Variants in COL27A1 observed in about 807,000 individuals in gnomAD.
COL27A1 encodes the protein collagen type XXVII alpha 1 chain.
In COL27A1, 106 loss-of-function variants were observed where a neutral mutation model predicts 251.3. The ratio of observed to expected loss-of-function variants is 0.42; its 90% CI spans 0.36 to 0.50. The LOEUF is 0.50. Among genes scored for constraint, COL27A1 ranks in the 20% least tolerant of loss-of-function variants. COL27A1 has a pLI of 0.00. For missense variants in COL27A1, 2,325 were observed against 2,522.8 expected, an observed-to-expected ratio of 0.92 and a Z score of 1.68; for synonymous variants, 1,000 against 986.3, an observed-to-expected ratio of 1.01 and a Z score of -0.26.
intron 5 of COL27A1, among the ~76,000 whole-genome samples, chr9:114,185,586 GGTCCTAGA>G (rs1337054602): frequency 1.3e-5 from 2 of 152,234 alleles, no homozygotes; most frequent in African/African-American, 4.8e-5. Context: ...CTGGGAAGAG[GGTCCTAGA>G]GTCCTTACTG....
At chr9:114,185,137 C>T (rs553877250) in intron 5 of COL27A1, among the ~76,000 whole-genome samples, 4 of 152,296 alleles carry the variant, frequency 2.6e-5, no homozygotes, top group South Asian at 4.1e-4. Flanking sequence ...TGTTTCTCCT[C>T]GCATTTTGAA....
At chr9:114,261,763 A>G (rs954246691) in intron 28 of COL27A1, among the ~76,000 whole-genome samples, 4 of 151,746 alleles carry the variant, frequency 2.6e-5, no homozygotes, top group African/African-American at 9.7e-5. Flanking sequence ...TAGTGGTGAA[A>G]AAAATGGATG....
In COL27A1 at chr9:114,222,213, C is replaced by G; in HGVS notation, c.2422-10C>G. 1 of 1,613,544 alleles carries G rather than the reference C, an allele frequency of 6.2e-7. No homozygotes were observed. The highest frequency in any genetic ancestry group is 8.5e-7 in the Non-Finnish European group (1 of 1,179,508). On this transcript the variant is annotated splice_polypyrimidine_tract_variant and intron_variant, in intron 13 of 60. Coordinates refer to ENST00000356083, the MANE Select transcript of COL27A1 (RefSeq NM_032888.4). ...GACAAGTAACCACCTTGGTCTCTCT[C>G]TATCTGCAGGGAGAACTGGGCCTGC...
Position 114,206,676 on chromosome 9 carries a change from C to T in COL27A1, c.2268+380C>T, listed in dbSNP as rs572571195. ...CCTCCCTCCTGCTCCCAAATGAGGGCTGGGGGGAACCACTCTTTGTGGAGG... is the reference window on the plus strand; with the variant it reads ...CCTCCCTCCTGCTCCCAAATGAGGGTTGGGGGGAACCACTCTTTGTGGAGG... On this transcript the variant is annotated intron_variant, in intron 10 of 60. Coordinates refer to ENST00000356083, the MANE Select transcript of COL27A1 (RefSeq NM_032888.4). 2.0e-4 allele frequency among the ~76,000 whole-genome samples: 31 copies of T among 152,300 alleles called. 1 individual carries two copies. In the South Asian group the frequency reaches 6.4e-3, roughly 32 times the overall value.
intron 3 of COL27A1, among the ~76,000 whole-genome samples, chr9:114,176,471 T>G (rs1343372190): frequency 6.7e-6 from 1 of 150,108 alleles, no homozygotes; most frequent in African/African-American, 2.4e-5. Context: ...AACCTCATTT[T>G]ACAGTAATAG....
chr9:114,229,970 C>G (rs955844116), intron 14 of COL27A1, among the ~76,000 whole-genome samples: 3 of 152,212 alleles, frequency 2.0e-5, no homozygotes, highest in Admixed American at 6.5e-5. Flanking sequence ...AATAGCACCT[C>G]TTAAGTTGTG....
At chr9:114,225,886 A>T (rs7028696) in intron 14 of COL27A1, among the ~76,000 whole-genome samples, 9 of 152,030 alleles carry the variant, frequency 5.9e-5, no homozygotes, top group African/African-American at 2.2e-4. Context: ...TGTGTGCAAC[A>T]CATGCACTGG....
chr9:114,279,295 C>A (rs1835761014), intron 37 of COL27A1, among the ~76,000 whole-genome samples: 1 of 152,198 alleles, frequency 6.6e-6, no homozygotes, highest in Non-Finnish European at 1.5e-5. Context: ...CCTTTAGCTC[C>A]AAAACGGGAT....
In COL27A1 at chr9:114,209,712, G is replaced by A. The variant is rs1830217540; in HGVS notation, c.2306G>A (p.Gly769Glu). Residue 769 changes from glycine to glutamate, a missense_variant, in exon 11 of 61, where the codon GGG becomes GAG. This residue lies in a region of COL27A1 where 1,183 missense variants were observed against 1,144.1 expected (regional missense o/e 1.03). Coordinates refer to ENST00000356083, the MANE Select transcript of COL27A1 (RefSeq NM_032888.4). The stretch of plus-strand genomic sequence containing the variant: ...CTCCCAGGGCTCTTCGGCCTGCCAG[G>A]GTCTGATGGAGAACGAGTAAGTTTG... ...IGLPGLFGLPGSDGERGLPGV... is the reference protein window; with the variant it reads ...IGLPGLFGLPESDGERGLPGV... 6.2e-7 allele frequency: 1 copy of A among 1,614,044 alleles called. No homozygotes were observed. Among genetic ancestry groups the A allele is most frequent in the African/African-American group, 1.3e-5 (1 of 74,932 alleles).
chr9:114,288,378 G>A (rs566108074), intron 41 of COL27A1, 77 bp from the exon 42 acceptor site: 6 of 1,465,582 alleles, frequency 4.1e-6, no homozygotes, highest in East Asian at 2.3e-5. Context: ...CATCTCTGAC[G>A]AAGCGCTTTC....
intron 33 of COL27A1, 37 bp downstream of exon 33, chr9:114,266,655 G>T (rs1834766241): frequency 6.4e-7 from 1 of 1,565,146 alleles, no homozygotes; most frequent in Non-Finnish European, 8.8e-7. Context: ...CCATGATGCT[G>T]CTGGGGATGT....
intron 19 of COL27A1, among the ~76,000 whole-genome samples, chr9:114,238,866 G>T (rs1457356684): frequency 6.6e-6 from 1 of 152,208 alleles, no homozygotes; most frequent in Non-Finnish European, 1.5e-5. Context: ...ACAGCCGCAT[G>T]AGGGGGATAT....
Position 114,289,253 on chromosome 9 carries a change from A to C in COL27A1, c.4164A>C (p.Gly1388=), listed in dbSNP as rs1280422706. Residue 1388 remains glycine, a synonymous_variant, in exon 45 of 61, where the codon GGA becomes GGC. Transcript: ENST00000356083. ...PGQQGQPGHP[G]PRGWPGPKGS... ...ACCTTGGTTTGCAGGGGCATCCGGG[A>C]CCCCGGGGGTGGCCGGGACCCAAAG... 6.9e-6 allele frequency: 11 copies of C among 1,591,222 alleles called. No individual in the cohort carries two copies. Among genetic ancestry groups the C allele is most frequent in the Non-Finnish European group, 9.4e-6 (11 of 1,170,640 alleles).
intron 1 of COL27A1, among the ~76,000 whole-genome samples, chr9:114,157,820 T>A (rs1848220138): frequency 6.6e-6 from 1 of 152,190 alleles, no homozygotes; most frequent in South Asian, 2.1e-4. Flanking sequence ...CTCTGCTGCT[T>A]GTTTTTCTCT....
In COL27A1 at chr9:114,225,358, T is replaced by C. The variant is rs116563839; in HGVS notation, c.2466+3091T>C. Among the ~76,000 whole-genome samples the C allele has an allele frequency of 4.2e-3, 641 of 152,356 alleles. 3 individuals carry two copies. Among genetic ancestry groups the C allele is most frequent in the Middle Eastern group, 0.014 (4 of 294 alleles). On this transcript the variant is annotated intron_variant, in intron 14 of 60. Coordinates refer to ENST00000356083, the MANE Select transcript of COL27A1 (RefSeq NM_032888.4). Reference sequence around the variant, plus strand: ...TTTCCCAGAGCTGATTTGTTCTGCCTTGTGGTTCCTTCATGCTGTGTCTTT... The same window carrying C: ...TTTCCCAGAGCTGATTTGTTCTGCCCTGTGGTTCCTTCATGCTGTGTCTTT...
chr9:114,191,532 G>A (rs1333113062), intron 5 of COL27A1, among the ~76,000 whole-genome samples: 2 of 152,138 alleles, frequency 1.3e-5, no homozygotes, highest in South Asian at 2.1e-4. Flanking sequence ...TTGGTTTTCT[G>A]TTCCTGCATT....
At chr9:114,253,195 G>A (rs576094138) in intron 27 of COL27A1, among the ~76,000 whole-genome samples, 1 of 152,016 alleles carries the variant, frequency 6.6e-6, no homozygotes, top group South Asian at 2.1e-4. Context: ...AGAAGGCAGA[G>A]GTTGCAGTGA....
At position 114,290,166 on chromosome 9, in the gene COL27A1, C is replaced by A; in HGVS notation, c.4260+55C>A. On this transcript the variant is annotated intron_variant, in intron 46 of 60. Coordinates refer to ENST00000356083, the MANE Select transcript of COL27A1 (RefSeq NM_032888.4). The surrounding 1 kb of genome is among the most constrained non-coding windows in gnomAD (Gnocchi z 4.6). The stretch of plus-strand genomic sequence containing the variant: ...AACCTCCCTGCCCGCCCCCCACACC[C>A]GCCCTCCTCCCACTCCCTGCACCAA... 1 of 1,589,568 alleles carries A rather than the reference C, an allele frequency of 6.3e-7. No individual in the cohort carries two copies. The highest frequency in any genetic ancestry group is 8.6e-7 in the Non-Finnish European group (1 of 1,164,200).
rs147026086 is a variant in COL27A1, at chr9:114,167,960, G to A, written c.405G>A (p.Thr135=). The A allele has an allele frequency of 1.9e-3, 3,041 of 1,607,726 alleles. 57 individuals are homozygous for A. In the South Asian group the frequency reaches 0.023, roughly 12 times the overall value. The part of the protein sequence containing the change: ...QLGLQFLPGK[T]VVHLGSRRSV... ...GCCTGCAGTTCCTCCCCGGCAAGAC[G>A]GTCGTCCACCTCGGGTCCCGGCGCT... Residue 135 remains threonine (T), a synonymous_variant, in exon 3 of 61, where the codon ACG becomes ACA. Coordinates refer to ENST00000356083, the MANE Select transcript of COL27A1 (RefSeq NM_032888.4).
Sources: allele counts gnomAD v4.1 joint callset (sites outside exome capture counted in the v4.1 genomes callset), GRCh38; gene constraint gnomAD v4.1.1; regional missense constraint gnomAD v4.1.1; non-coding constraint Gnocchi (gnomAD v3.1); transcripts MANE v1.5; gene names NCBI Gene and HGNC (gene_info 2026-07-23, HGNC 2026-07-21).